Variants in OR14A2 observed in about 807,000 individuals in gnomAD.
OR14A2 encodes olfactory receptor family 14 subfamily A member 2.
For synonymous variants in OR14A2, 114 were observed against 58.6 expected (o/e 1.95, Z -4.32); for missense variants, 237 against 152.9 (o/e 1.55, Z -2.90).
chr1:247,736,656 A>C, the OR14A2 span, among the ~76,000 whole-genome samples: 1 of 152,138 alleles, frequency 6.6e-6, no homozygotes. Context: ...TCACTCACTC[A>C]CTGAGCTACC....
the OR14A2 span, among the ~76,000 whole-genome samples, chr1:247,737,136 A>G: frequency 3.9e-5 from 6 of 152,090 alleles, 1 homozygote; most frequent in African/African-American, 1.4e-4. Context: ...TAGTTCTCAG[A>G]AAATCACTTG....
At chr1:247,742,885 A>G in the OR14A2 span, among the ~76,000 whole-genome samples, 1 of 152,220 alleles carries the variant, frequency 6.6e-6, no homozygotes, top group Non-Finnish European at 1.5e-5. Context: ...TACAATTAAA[A>G]GTAATTTTTC....
At chr1:247,738,907 A>G in the OR14A2 span, 1 of 778,224 alleles carries the variant, frequency 1.3e-6, no homozygotes, top group Admixed American at 1.7e-5. Context: ...TGTGTGTTGC[A>G]GCTCTTCTTG....
chr1:247,739,204 G>A, the OR14A2 span: 1 of 780,856 alleles, frequency 1.3e-6, no homozygotes, highest in Middle Eastern at 2.3e-4. Flanking sequence ...ATTAGTGTCA[G>A]TGTGGCCATT....
At chr1:247,736,464 C>T in the OR14A2 span, among the ~76,000 whole-genome samples, 9 of 152,034 alleles carry the variant, frequency 5.9e-5, no homozygotes, top group African/African-American at 2.2e-4. Flanking sequence ...TGAGGCAAAG[C>T]TTTATTGTTA....
At chr1:247,723,109 T>C in exon 1 of OR14A2, 1 of 712,830 alleles carries the variant, frequency 1.4e-6, no homozygotes, top group Non-Finnish European at 2.6e-6. Context: ...TTAAATGAAG[T>C]AAGCCTCCTG....
At chr1:247,737,932 G>A in the OR14A2 span, among the ~76,000 whole-genome samples, 1 of 151,986 alleles carries the variant, frequency 6.6e-6, no homozygotes, top group African/African-American at 2.4e-5. Flanking sequence ...TAAGTCTCAG[G>A]TTTTTGTTCT....
At chr1:247,739,200 G>A in the OR14A2 span, 1 of 780,900 alleles carries the variant, frequency 1.3e-6, no homozygotes, top group Non-Finnish European at 2.4e-6. Context: ...CATCATTAGT[G>A]TCAGTGTGGC....
the OR14A2 span, among the ~76,000 whole-genome samples, chr1:247,741,982 T>C: frequency 6.6e-6 from 1 of 152,208 alleles, no homozygotes. Context: ...ACAGTGATGA[T>C]ACAGATGAAA....
At chr1:247,726,853 C>T (rs76319755), upstream of OR14A2, among the ~76,000 whole-genome samples, 1,070 of 117,980 alleles carry the variant, frequency 9.1e-3, 4 homozygotes, top group African/African-American at 0.023. Context: ...AGATATGCGG[C>T]GTTATTTCTG....
At chr1:247,723,510 A>G in exon 1 of OR14A2, 1 of 717,786 alleles carries the variant, frequency 1.4e-6, no homozygotes, top group Non-Finnish European at 2.6e-6. Flanking sequence ...ATGAAGGAAC[A>G]TCACAGAAAA....
the OR14A2 span, among the ~76,000 whole-genome samples, chr1:247,740,921 A>G: frequency 6.6e-6 from 1 of 152,218 alleles, no homozygotes; most frequent in Non-Finnish European, 1.5e-5. Context: ...TATGTTACTC[A>G]TAACTTAAGA....
chr1:247,745,106 A>C, the OR14A2 span, among the ~76,000 whole-genome samples: 1 of 152,186 alleles, frequency 6.6e-6, no homozygotes, highest in Non-Finnish European at 1.5e-5. Context: ...ATGACTCCTC[A>C]CATAAAAATA....
the OR14A2 span, among the ~76,000 whole-genome samples, chr1:247,729,388 G>A: frequency 6.6e-6 from 1 of 151,990 alleles, no homozygotes; most frequent in East Asian, 1.9e-4. Context: ...TAGGCTATAG[G>A]ACAGTGATAA....
chr1:247,745,367 T>TA, the OR14A2 span, among the ~76,000 whole-genome samples: 7 of 146,926 alleles, frequency 4.8e-5, no homozygotes, highest in Admixed American at 1.3e-4. Context: ...GTGAAGGGGT[T>TA]AAAAAAAAAG....
chr1:247,731,591 T>C, the OR14A2 span, among the ~76,000 whole-genome samples: 9,504 of 152,044 alleles, frequency 0.063, 319 homozygotes, highest in African/African-American at 0.083. Flanking sequence ...CTCCTTCCAA[T>C]TCATCAGCTT....
At chr1:247,736,821 A>G in the OR14A2 span, among the ~76,000 whole-genome samples, 7 of 152,164 alleles carry the variant, frequency 4.6e-5, no homozygotes, top group Non-Finnish European at 1.0e-4. Context: ...GCTTCCATGA[A>G]TTAGCTCATG....
the OR14A2 span, among the ~76,000 whole-genome samples, chr1:247,747,906 A>C: frequency 6.6e-6 from 1 of 152,166 alleles, no homozygotes; most frequent in African/African-American, 2.4e-5. Context: ...TGAGGTCTCC[A>C]AAATATCCTA....
At chr1:247,729,414 T>C in the OR14A2 span, among the ~76,000 whole-genome samples, 3 of 152,188 alleles carry the variant, frequency 2.0e-5, no homozygotes, top group Middle Eastern at 3.4e-3. Flanking sequence ...CTATGTAATA[T>C]ACTGTATAAT....
Sources: allele counts gnomAD v4.1 joint callset (sites outside exome capture counted in the v4.1 genomes callset), GRCh38; gene constraint gnomAD v4.1.1; transcripts MANE v1.5; gene names NCBI Gene and HGNC (gene_info 2026-07-23, HGNC 2026-07-21).